Variants in GRID1 observed in about 807,000 individuals in gnomAD.
GRID1 encodes glutamate ionotropic receptor delta type subunit 1.
A neutral mutation model predicts 98.0 loss-of-function variants in GRID1; 28 were observed. The ratio of observed to expected loss-of-function variants is 0.29; its 90% CI spans 0.21 to 0.39. The LOEUF is 0.39. GRID1 is among the 10% of genes least tolerant of loss of function. The probability of loss-of-function intolerance (pLI) is 1.00; values close to 1 mark genes in which losing one functional copy is unlikely to be tolerated. For synonymous variants in GRID1, 553 were observed against 538.5 expected, an observed-to-expected ratio of 1.03 and a Z score of -0.37; for missense variants, 1,111 against 1,340.5, an observed-to-expected ratio of 0.83 and a Z score of 2.67.
intron 8 of GRID1, among the ~76,000 whole-genome samples, chr10:85,786,644 C>T (rs1842431801): frequency 6.6e-6 from 1 of 152,178 alleles, no homozygotes; most frequent in South Asian, 2.1e-4. Flanking sequence ...CAGTAGTGCA[C>T]ATCCACATTT....
At chr10:86,217,236 G>C (rs1015357398) in intron 2 of GRID1, among the ~76,000 whole-genome samples, 2 of 152,216 alleles carry the variant, frequency 1.3e-5, no homozygotes, top group African/African-American at 4.8e-5. Flanking sequence ...CAGCCCAGGA[G>C]ACAGTCAGGC....
At chr10:86,064,070 T>G (rs978915911) in intron 4 of GRID1, among the ~76,000 whole-genome samples, 6 of 151,992 alleles carry the variant, frequency 3.9e-5, no homozygotes, top group Non-Finnish European at 7.4e-5. Flanking sequence ...AAATTGTTCG[T>G]TTTTTTTCCT....
At chr10:85,644,580 G>A (rs1033289153) in intron 13 of GRID1, among the ~76,000 whole-genome samples, 2 of 152,048 alleles carry the variant, frequency 1.3e-5, no homozygotes, top group Non-Finnish European at 2.9e-5. Flanking sequence ...TCTTTATATT[G>A]TTAATGGTCA....
At chr10:86,133,323 CAT>C (rs1708330994) in intron 4 of GRID1, among the ~76,000 whole-genome samples, 3 of 151,356 alleles carry the variant, frequency 2.0e-5, no homozygotes, top group South Asian at 2.1e-4. Flanking sequence ...TCCATGTGTG[CAT>C]GTGTGTGTGT....
intron 8 of GRID1, among the ~76,000 whole-genome samples, chr10:85,849,034 T>G (rs1267115557): frequency 6.6e-6 from 1 of 152,068 alleles, no homozygotes. Context: ...CCTCCACCCA[T>G]ATCCCCCTCC....
At chr10:86,078,265 G>T (rs140323952) in intron 4 of GRID1, among the ~76,000 whole-genome samples, 1 of 152,388 alleles carries the variant, frequency 6.6e-6, no homozygotes, top group South Asian at 2.1e-4. Flanking sequence ...GCCCTGGAAC[G>T]ATTTTAATGG....
chr10:85,969,451 T>C (rs1313175705), intron 4 of GRID1, among the ~76,000 whole-genome samples: 1 of 152,026 alleles, frequency 6.6e-6, no homozygotes, highest in African/African-American at 2.4e-5. Flanking sequence ...CCCTAAAACA[T>C]GCCTCGATAA....
intron 8 of GRID1, among the ~76,000 whole-genome samples, chr10:85,735,838 A>AAGGAAGGG (rs1408913701): frequency 1.1e-3 from 168 of 148,090 alleles, no homozygotes; most frequent in African/African-American, 4.0e-3. Flanking sequence ...GGAAGGAAAG[A>AAGGAAGGG]AGGAAGGGAG....
chr10:86,106,840 C>T (rs532970996), intron 4 of GRID1, among the ~76,000 whole-genome samples: 1 of 151,910 alleles, frequency 6.6e-6, no homozygotes, highest in South Asian at 2.1e-4. Context: ...TTGGAGGTGG[C>T]GGCTAAGATG....
intron 2 of GRID1, among the ~76,000 whole-genome samples, chr10:86,218,171 TGC>T (rs1199550172): frequency 6.6e-6 from 1 of 152,144 alleles, no homozygotes; most frequent in Non-Finnish European, 1.5e-5. Context: ...TGTGTGCTTG[TGC>T]GCGTGTGTGT....
intron 4 of GRID1, among the ~76,000 whole-genome samples, chr10:86,058,950 G>A (rs1843612328): frequency 6.6e-6 from 1 of 152,214 alleles, no homozygotes; most frequent in African/African-American, 2.4e-5. Flanking sequence ...ACTGGGCCCT[G>A]TGAGGACATA....
At chr10:86,069,070 TG>T (rs1379679592) in intron 4 of GRID1, among the ~76,000 whole-genome samples, 1 of 151,892 alleles carries the variant, frequency 6.6e-6, no homozygotes, top group East Asian at 1.9e-4. Context: ...TGCAGACTGC[TG>T]GGGAAGGTTA....
intron 4 of GRID1, among the ~76,000 whole-genome samples, chr10:86,033,450 G>A (rs759597254): frequency 1.3e-5 from 2 of 152,208 alleles, no homozygotes; most frequent in Non-Finnish European, 2.9e-5. Flanking sequence ...ACAAGAGTTG[G>A]AGAAGGCTGG....
chr10:85,773,523 G>T (rs1281041408), intron 8 of GRID1, among the ~76,000 whole-genome samples: 1 of 152,192 alleles, frequency 6.6e-6, no homozygotes, highest in African/African-American at 2.4e-5. Context: ...AGGAAAAGAG[G>T]AAGTCAAATT....
chr10:86,140,221 G>A (rs1416813731), intron 3 of GRID1, among the ~76,000 whole-genome samples: 9 of 152,180 alleles, frequency 5.9e-5, no homozygotes, highest in Admixed American at 1.3e-4. Flanking sequence ...AGCAAGAGCC[G>A]TGCCTGAGTC....
At chr10:86,215,949 C>T (rs1846171682) in intron 2 of GRID1, among the ~76,000 whole-genome samples, 1 of 152,222 alleles carries the variant, frequency 6.6e-6, no homozygotes, top group South Asian at 2.1e-4. Flanking sequence ...ACTTGCCAAC[C>T]TTCACGTGCC....
chr10:86,188,917 G>T (rs1564701589), intron 3 of GRID1, among the ~76,000 whole-genome samples: 1 of 152,158 alleles, frequency 6.6e-6, no homozygotes, highest in African/African-American at 2.4e-5. Context: ...ACCACAAGGA[G>T]CCACAGCGGG....
intron 2 of GRID1, among the ~76,000 whole-genome samples, chr10:86,247,414 G>C (rs1349420080): frequency 6.6e-6 from 1 of 152,158 alleles, no homozygotes; most frequent in East Asian, 1.9e-4. Flanking sequence ...ATGGACAGAT[G>C]AGTTGATGAA....
intron 2 of GRID1, among the ~76,000 whole-genome samples, chr10:86,238,834 T>C (rs914677906): frequency 4.6e-5 from 7 of 152,038 alleles, no homozygotes; most frequent in African/African-American, 1.7e-4. Flanking sequence ...AAAGGATGTA[T>C]GAAAATGCCT....
Sources: gnomAD v4.1 joint callset for allele counts (sites outside exome capture counted in the v4.1 genomes callset) on GRCh38, gnomAD v4.1.1 for gene constraint, MANE v1.5 for transcripts, NCBI Gene and HGNC (gene_info 2026-07-23, HGNC 2026-07-21) for gene names.